The following CYRIB variants were observed in gnomAD, a reference collection of about 807,000 sequenced individuals.
CYRIB encodes the protein CYFIP related Rac1 interactor B.
A neutral mutation model predicts 44.2 loss-of-function variants in CYRIB; 8 were observed. The ratio of observed to expected loss-of-function variants is 0.18; its 90% confidence interval spans 0.11 to 0.33. CYRIB has a LOEUF of 0.33. Among genes scored for constraint, CYRIB ranks in the 10% least tolerant of loss-of-function variants. The pLI is 1.00. For missense variants in CYRIB, 185 were observed against 382.8 expected, an observed-to-expected ratio of 0.48 and a Z score of 4.31; for synonymous variants, 131 against 127.2, an observed-to-expected ratio of 1.03 and a Z score of -0.20.
At chr8:129,958,081 C>G (rs1048221605) in intron 2 of CYRIB, among the ~76,000 whole-genome samples, 1 of 151,976 alleles carries the variant, frequency 6.6e-6, no homozygotes, top group Non-Finnish European at 1.5e-5. Flanking sequence ...CGCTTGAACC[C>G]GAGAGATGGA....
chr8:129,850,490 A>G (rs1013624705), intron 9 of CYRIB: 3 of 211,282 alleles, frequency 1.4e-5, no homozygotes, highest in Non-Finnish European at 2.8e-5. Context: ...GAAAAAGAAC[A>G]TTTATGGTAA....
chr8:129,931,997 C>CTTT (rs1235113746), intron 1 of CYRIB, among the ~76,000 whole-genome samples: 3 of 129,414 alleles, frequency 2.3e-5, no homozygotes, highest in Non-Finnish European at 3.3e-5. Context: ...TAAGTATCTT[C>CTTT]TTTTTTTTTT....
chr8:130,003,871 C>CAA (rs1592259113), intron 1 of CYRIB, among the ~76,000 whole-genome samples: 4 of 152,196 alleles, frequency 2.6e-5, no homozygotes, highest in Admixed American at 2.6e-4. Context: ...GGATCAAATC[C>CAA]AAAGGCCCAG....
intron 3 of CYRIB, among the ~76,000 whole-genome samples, chr8:129,875,683 A>G (rs2058856491): frequency 6.6e-6 from 1 of 152,248 alleles, no homozygotes; most frequent in South Asian, 2.1e-4. Context: ...CTAAACGTCT[A>G]ACTGAATACA....
At chr8:130,006,664 A>ATATATATATG (rs1307813855) in intron 1 of CYRIB, among the ~76,000 whole-genome samples, 1 of 49,460 alleles carries the variant, frequency 2.0e-5, no homozygotes, top group East Asian at 6.8e-4. Flanking sequence ...ATATATATGT[A>ATATATATATG]TATATATATG....
chr8:129,909,852 C>G (rs908243255), intron 1 of CYRIB, among the ~76,000 whole-genome samples: 5 of 152,212 alleles, frequency 3.3e-5, no homozygotes, highest in African/African-American at 1.2e-4. Flanking sequence ...CACGCTCTTG[C>G]CTACTGACAA....
chr8:129,877,695 TGTA>T (rs1564512126), intron 3 of CYRIB, among the ~76,000 whole-genome samples: 13 of 148,606 alleles, frequency 8.7e-5, no homozygotes, highest in Middle Eastern at 3.5e-3. Flanking sequence ...TGTGTGTGTG[TGTA>T]TAAAATGATC....
At chr8:129,855,174 T>C (rs1247570160) in intron 6 of CYRIB, among the ~76,000 whole-genome samples, 2 of 152,140 alleles carry the variant, frequency 1.3e-5, no homozygotes, top group African/African-American at 2.4e-5. Flanking sequence ...GTGGATCACC[T>C]GAGGTCAGGA....
intron 2 of CYRIB, among the ~76,000 whole-genome samples, chr8:129,950,981 A>G (rs1000842611): frequency 2.0e-5 from 3 of 152,188 alleles, no homozygotes; most frequent in South Asian, 4.1e-4. Flanking sequence ...TTTGCTCTCA[A>G]TGACTCCCAT....
At chr8:129,884,171 G>GT (rs893687020) in intron 2 of CYRIB, among the ~76,000 whole-genome samples, 5 of 151,990 alleles carry the variant, frequency 3.3e-5, no homozygotes, top group African/African-American at 1.2e-4. Context: ...AGATACCCTA[G>GT]TTTTTTTAAA....
At chr8:129,977,377 A>C (rs1364887970) in intron 1 of CYRIB, among the ~76,000 whole-genome samples, 3 of 152,196 alleles carry the variant, frequency 2.0e-5, no homozygotes, top group South Asian at 2.1e-4. Context: ...AAAGTCTGCC[A>C]TGTCATGTTT....
chr8:129,940,959 G>A (rs556531274), upstream of CYRIB, among the ~76,000 whole-genome samples: 13 of 152,250 alleles, frequency 8.5e-5, no homozygotes, highest in South Asian at 4.1e-4. Context: ...CTAAGGTTCC[G>A]GTAACTATCT....
At chr8:129,922,275 C>T (rs1308380989) in intron 1 of CYRIB, among the ~76,000 whole-genome samples, 1 of 152,032 alleles carries the variant, frequency 6.6e-6, no homozygotes, top group African/African-American at 2.4e-5. Context: ...AACCAAGGAC[C>T]CGTTAATGAA....
chr8:129,861,261 T>G (rs983056692), intron 5 of CYRIB, among the ~76,000 whole-genome samples: 2 of 152,198 alleles, frequency 1.3e-5, no homozygotes, highest in African/African-American at 4.8e-5. Context: ...TGGCTAAATC[T>G]TACCTGCTCT....
At chr8:129,868,882 T>A (rs569862143) in intron 4 of CYRIB, among the ~76,000 whole-genome samples, 1 of 129,790 alleles carries the variant, frequency 7.7e-6, no homozygotes. Context: ...CAATGGGAAG[T>A]ACTGCAATTA....
At chr8:129,871,891 A>G (rs1411159671) in intron 3 of CYRIB, among the ~76,000 whole-genome samples, 1 of 152,160 alleles carries the variant, frequency 6.6e-6, no homozygotes, top group Non-Finnish European at 1.5e-5. Flanking sequence ...AAGAAAGCCT[A>G]CTAAAACATG....
At position 129,850,918 on chromosome 8, in the gene CYRIB, T is replaced by A. The variant is rs1273745870; in HGVS notation, c.634-4A>T. 1.9e-6 allele frequency: 3 copies of A among 1,567,116 alleles called. No individual in the cohort carries two copies. The African/African-American group carries it at 4.1e-5, about 21-fold the overall frequency. On this transcript the variant is annotated splice_polypyrimidine_tract_variant and splice_region_variant and intron_variant, in intron 8 of 11. Transcript: ENST00000519824. ...TTTCTATTGGTAAATTTTTATTCTG[T>A]AGAAGTATATGAAGAACAAAAAAAG...
chr8:129,899,467 A>AT (rs922360834), intron 2 of CYRIB, among the ~76,000 whole-genome samples: 3 of 152,194 alleles, frequency 2.0e-5, no homozygotes, highest in African/African-American at 7.2e-5. Flanking sequence ...TATCATATAA[A>AT]TTTTTTTAAC....
chr8:129,849,177 A>C, intron 10 of CYRIB, 66 bp downstream of exon 12: 1 of 1,471,514 alleles, frequency 6.8e-7, no homozygotes, highest in Non-Finnish European at 9.1e-7. Context: ...TCTTATCATA[A>C]AATAAAATCC....
Sources: allele counts gnomAD v4.1 joint callset (sites outside exome capture counted in the v4.1 genomes callset), GRCh38; gene constraint gnomAD v4.1.1; transcripts MANE v1.5; gene names NCBI Gene and HGNC (gene_info 2026-07-23, HGNC 2026-07-21).